NCAM1: variants seen among roughly 807,000 people sequenced by gnomAD.
NCAM1 encodes neural cell adhesion molecule 1.
NCAM1 carries 14 observed loss-of-function variants against 109.8 expected under a neutral mutation model. That is an observed-to-expected ratio of 0.13 (90% CI 0.08 to 0.20). The LOEUF is 0.20. Ranked by LOEUF, NCAM1 falls within the 10% of genes least tolerant of loss-of-function variation. The probability of loss-of-function intolerance (pLI) is 1.00; values close to 1 mark genes in which losing one functional copy is unlikely to be tolerated. For synonymous variants in NCAM1, 418 were observed against 442.9 expected (o/e 0.94, Z 0.70); for missense variants, 774 against 1,109.9 (o/e 0.70, Z 4.30).
intron 1 of NCAM1, chr11:113,133,511 G>A (rs1941487871): frequency 6.6e-6 from 1 of 152,188 alleles, no homozygotes; most frequent in African/African-American, 2.4e-5. Flanking sequence ...CATGCAAAAG[G>A]AGATGCATTT....
chr11:113,097,273 A>C (rs1205605166), intron 1 of NCAM1, among the ~76,000 whole-genome samples: 4 of 152,176 alleles, frequency 2.6e-5, no homozygotes, highest in African/African-American at 9.7e-5. Context: ...CTTCTGCTTT[A>C]GTGGATTCAG....
At chr11:113,171,835 T>G (rs985249395) in intron 1 of NCAM1, among the ~76,000 whole-genome samples, 4 of 152,202 alleles carry the variant, frequency 2.6e-5, no homozygotes, top group Non-Finnish European at 5.9e-5. Flanking sequence ...CCTCAGAATG[T>G]GACCTTACTT....
chr11:113,226,985 T>G (rs1944871067), intron 9 of NCAM1, among the ~76,000 whole-genome samples: 1 of 152,058 alleles, frequency 6.6e-6, no homozygotes, highest in Admixed American at 6.5e-5. Flanking sequence ...GCAGGAAAGA[T>G]CTAAAATTGA....
intron 1 of NCAM1, among the ~76,000 whole-genome samples, chr11:113,100,179 G>A (rs1444384737): frequency 6.6e-6 from 1 of 152,140 alleles, no homozygotes; most frequent in African/African-American, 2.4e-5. Context: ...AGACAGAAGA[G>A]TTACTTGGTC....
In NCAM1 at chr11:113,121,537, C is replaced by CAAAAAAAAAAAAAAAA; in HGVS notation, c.53-80836_53-80821dup. On this transcript the variant is annotated intron_variant, in intron 1 of 19. Transcript: ENST00000316851. ...TGCCTGGCCAACACCACCAATCTTA[C>CAAAAAAAAAAAAAAAA]AAAAAAAAAAAAAAAAAAAAAGGCA... Among the ~76,000 whole-genome samples, 2 of 92,434 alleles carry CAAAAAAAAAAAAAAAA rather than the reference C, an allele frequency of 2.2e-5. 1 individual carries two copies. Among genetic ancestry groups the CAAAAAAAAAAAAAAAA allele is most frequent in the Non-Finnish European group, 3.9e-5 (2 of 50,752 alleles). The allele number at this position is 92,434 out of a possible 152,430, so 60.6% of individuals were successfully genotyped here. A position where few individuals can be genotyped will look rare whatever the true frequency, so the allele number is the denominator to read the frequency against.
intron 1 of NCAM1, among the ~76,000 whole-genome samples, chr11:113,015,401 G>T (rs1293550037): frequency 1.3e-5 from 2 of 152,154 alleles, no homozygotes; most frequent in South Asian, 2.1e-4. Context: ...AAATAGTTTG[G>T]GTGTAACCCT....
At chr11:113,209,530 C>T (rs142019917) in intron 7 of NCAM1, among the ~76,000 whole-genome samples, 194 of 152,202 alleles carry the variant, frequency 1.3e-3, no homozygotes, top group African/African-American at 3.8e-3. Flanking sequence ...TTAATAAATA[C>T]GTATGGATCA....
At chr11:113,057,570 A>G (rs556141795) in intron 1 of NCAM1, among the ~76,000 whole-genome samples, 1 of 152,164 alleles carries the variant, frequency 6.6e-6, no homozygotes, top group Non-Finnish European at 1.5e-5. Context: ...GAGCTAACAG[A>G]TGTCTAAATT....
At chr11:113,066,198 G>T (rs551113634) in intron 1 of NCAM1, among the ~76,000 whole-genome samples, 1 of 151,472 alleles carries the variant, frequency 6.6e-6, no homozygotes, top group East Asian at 2.0e-4. Flanking sequence ...TCCAACTTTA[G>T]AATATGGACA....
At chr11:113,055,659 T>C (rs1304513502) in intron 1 of NCAM1, among the ~76,000 whole-genome samples, 1 of 152,112 alleles carries the variant, frequency 6.6e-6, no homozygotes, top group African/African-American at 2.4e-5. Context: ...CTTCATGCCC[T>C]TGTCTAATCT....
intron 1 of NCAM1, among the ~76,000 whole-genome samples, chr11:113,189,299 A>C (rs1387641582): frequency 6.6e-6 from 1 of 151,914 alleles, no homozygotes; most frequent in Non-Finnish European, 1.5e-5. Flanking sequence ...AAAATGCAAA[A>C]ATTAGCCAGG....
chr11:113,021,428 A>T (rs1555076270), intron 1 of NCAM1, among the ~76,000 whole-genome samples: 1 of 152,220 alleles, frequency 6.6e-6, no homozygotes, highest in African/African-American at 2.4e-5. Flanking sequence ...AGCTATTATG[A>T]CATCCTTTGG....
At chr11:113,141,235 TG>T (rs1941807322) in intron 1 of NCAM1, among the ~76,000 whole-genome samples, 1 of 152,220 alleles carries the variant, frequency 6.6e-6, no homozygotes, top group Admixed American at 6.5e-5. Flanking sequence ...TCCTCTGCTG[TG>T]ATGACCTACT....
At chr11:113,200,539 T>C (rs782252949) in intron 1 of NCAM1, among the ~76,000 whole-genome samples, 51 of 152,300 alleles carry the variant, frequency 3.3e-4, no homozygotes, top group Admixed American at 1.1e-3. Flanking sequence ...AAAGATCACC[T>C]ACCCGGAGCC....
Position 112,970,530 on chromosome 11 carries a change from C to T in NCAM1, c.52+8866C>T, listed in dbSNP as rs782186066. ...GAAAGGACACCATTGGGCTTAGATT[C>T]GAAAGATCTGGGTTCAAGAAGTTGC... On this transcript the variant is annotated intron_variant, in intron 1 of 19. Transcript: ENST00000316851. Among the ~76,000 whole-genome samples, 6 of 152,094 alleles carry T rather than the reference C, an allele frequency of 3.9e-5. No individual in the cohort carries two copies. The South Asian group carries it at 8.3e-4, about 21-fold the overall frequency.
chr11:113,260,355 G>C, intron 17 of NCAM1, 32 bp downstream of exon 17: 1 of 1,600,640 alleles, frequency 6.2e-7, no homozygotes, highest in Middle Eastern at 1.8e-4. Flanking sequence ...GTTTGTTTCC[G>C]CTTTGAATTA....
At chr11:112,961,731 G>A in intron 1 of NCAM1, 67 bp downstream of exon 1, 1 of 1,027,360 alleles carries the variant, frequency 9.7e-7, no homozygotes, top group African/African-American at 1.6e-5. Context: ...ACTCCTAGGA[G>A]GAACGCTATT....
At chr11:112,979,605 G>T (rs540316618) in intron 1 of NCAM1, among the ~76,000 whole-genome samples, 16 of 151,736 alleles carry the variant, frequency 1.1e-4, no homozygotes, top group Admixed American at 4.6e-4. Flanking sequence ...GACTCAGGTC[G>T]ACTGGAATCT....
chr11:113,257,319 A>G (rs1228283716), intron 16 of NCAM1, among the ~76,000 whole-genome samples: 1 of 152,260 alleles, frequency 6.6e-6, no homozygotes, highest in African/African-American at 2.4e-5. Flanking sequence ...CAGACATGGC[A>G]TCCAATTCTA....
Sources: gnomAD v4.1 joint callset for allele counts (sites outside exome capture counted in the v4.1 genomes callset) on GRCh38, gnomAD v4.1.1 for gene constraint, MANE v1.5 for transcripts, NCBI Gene and HGNC (gene_info 2026-07-23, HGNC 2026-07-21) for gene names.